The following FOXP4 variants were observed in gnomAD, a reference collection of about 807,000 sequenced individuals.
FOXP4 encodes forkhead box P4.
FOXP4 carries 25 observed loss-of-function variants against 82.6 expected under a neutral mutation model. The ratio of observed to expected loss-of-function variants is 0.30; its 90% CI spans 0.22 to 0.42. The LOEUF (loss-of-function observed/expected upper bound fraction) is 0.42. Ranked by LOEUF, FOXP4 falls within the 10% of genes least tolerant of loss-of-function variation. FOXP4 has a pLI of 1.00. For synonymous variants in FOXP4, 415 were observed against 388.2 expected, an observed-to-expected ratio of 1.07 and a Z score of -0.81; for missense variants, 785 against 900.9, an observed-to-expected ratio of 0.87 and a Z score of 1.65.
intron 4 of FOXP4, 106 bp from the exon 5 acceptor site, chr6:41,585,325 T>G: frequency 5.1e-6 from 6 of 1,167,402 alleles, no homozygotes; most frequent in Non-Finnish European, 7.3e-6. Flanking sequence ...CAGACCATGT[T>G]TTAGGGAAAC....
chr6:41,597,405 G>C (rs1013804301), intron 15 of FOXP4, among the ~76,000 whole-genome samples, 163 bp downstream of exon 15: 3 of 152,074 alleles, frequency 2.0e-5, no homozygotes, highest in African/African-American at 7.2e-5. Context: ...CCCAACTCGG[G>C]GCCAGCCTCC....
chr6:41,565,125 G>C (rs1342304064), intron 1 of FOXP4, among the ~76,000 whole-genome samples: 1 of 152,130 alleles, frequency 6.6e-6, no homozygotes, highest in Non-Finnish European at 1.5e-5. Context: ...GGCTGAGGCA[G>C]GCAGATCACC....
intron 3 of FOXP4, among the ~76,000 whole-genome samples, chr6:41,583,100 A>G (rs1295644090): frequency 1.3e-5 from 2 of 152,362 alleles, no homozygotes; most frequent in African/African-American, 2.4e-5. Context: ...TGGAGCCTTC[A>G]TTCACATGGT....
intron 2 of FOXP4, chr6:41,570,395 G>A (rs1240735593): frequency 2.1e-6 from 1 of 471,330 alleles, no homozygotes; most frequent in Admixed American, 2.3e-5. Context: ...GCCTGACACA[G>A]TGAGAGAAGG....
In FOXP4 at chr6:41,591,244, G is replaced by T. The variant is rs1396375315; in HGVS notation, c.1458G>T (p.Arg486Ser). 3.1e-6 allele frequency: 5 copies of T among 1,609,962 alleles called. No individual in the cohort carries two copies. The highest frequency in any genetic ancestry group is 1.7e-6 in the Non-Finnish European group (2 of 1,178,250). Residue 486 changes from arginine (R) to serine (S), a missense_variant, in exon 13 of 17, where the codon AGG becomes AGT. Around this residue, in one of 3 missense-constraint regions of FOXP4, gnomAD observed 570 missense variants for 634.0 expected, o/e 0.90. Transcript: ENST00000307972. This position sits in a 1 kb window ranked among gnomAD's most constrained non-coding sequence, Gnocchi z 4.2. Reference protein sequence around the residue: ...IRQAILETPDRQLTLNEIYNW... With the variant: ...IRQAILETPDSQLTLNEIYNW... ...AGGCCATCCTGGAAACCCCTGACAG[G>T]CAGCTGACCCTGAATGAGATCTATA...
rs183152351 is a variant in FOXP4 at position 41,583,072 on chromosome 6, A to C, written c.301-1697A>C. Among the ~76,000 whole-genome samples the C allele has an allele frequency of 6.7e-4, 102 of 152,340 alleles. 1 individual carries two copies. Among genetic ancestry groups the C allele is most frequent in the Middle Eastern group, 3.4e-3 (1 of 294 alleles). On this transcript the variant is annotated intron_variant, in intron 3 of 16. Transcript: ENST00000307972. ...AAACACTCCTAAGGGCATATCCCCC[A>C]CTGGCTTAGAGGTCTCTTGGAGCCT...
At position 41,602,077 on chromosome 6, in the gene FOXP4, C is replaced by T. The variant is rs1767233831; in HGVS notation, c.*3141C>T. On this transcript the variant is annotated 3_prime_UTR_variant, in exon 17 of 17. Transcript: ENST00000307972. ...TTCTGTCTGTCGCTCACTCGCCCCG[C>T]TTTCTCTGTCTCACCTTCATCCACT... 6.6e-6 allele frequency: 1 copy of T among 152,588 alleles called. No individual in the cohort carries two copies. Among genetic ancestry groups the T allele is most frequent in the Non-Finnish European group, 1.5e-5 (1 of 68,218 alleles). The allele number at this position is 152,588 out of a possible 1,614,324, so 9.5% of individuals were successfully genotyped here.
At chr6:41,567,792 A>G (rs1764968575) in intron 2 of FOXP4, among the ~76,000 whole-genome samples, 1 of 152,184 alleles carries the variant, frequency 6.6e-6, no homozygotes, top group Admixed American at 6.5e-5. Flanking sequence ...TCCCATCTAT[A>G]TTCCACATTC....
intron 2 of FOXP4, among the ~76,000 whole-genome samples, chr6:41,568,849 T>G (rs4714485): frequency 0.35 from 53,200 of 152,064 alleles, 9,906 homozygotes; most frequent in African/African-American, 0.48. Flanking sequence ...TCAGGCCTGT[T>G]ACAGGACTTT....
intron 2 of FOXP4, among the ~76,000 whole-genome samples, chr6:41,566,230 A>G (rs1490894536): frequency 1.3e-5 from 2 of 152,206 alleles, no homozygotes; most frequent in African/African-American, 2.4e-5. Context: ...AGAAATGCCA[A>G]TAAGAAGAGA....
At position 41,593,753 on chromosome 6, in the gene FOXP4, T is replaced by C. The variant is rs1216500315; in HGVS notation, c.1537-1117T>C. Among the ~76,000 whole-genome samples, 1 of 152,242 alleles carries C rather than the reference T, an allele frequency of 6.6e-6. No individual in the cohort carries two copies. On this transcript the variant is annotated intron_variant, in intron 13 of 16. Coordinates refer to ENST00000307972, the MANE Select transcript of FOXP4 (RefSeq NM_001012426.2). The surrounding 1 kb of genome is among the most constrained non-coding windows in gnomAD (Gnocchi z 4.1). ...GCGAGTCGGAAAAATACACAGGATT[T>C]AATTAGAGGCAAATTAAAATTGGTA... is the stretch of plus-strand genomic sequence containing the variant.
Position 41,598,836 on chromosome 6 carries a change from G to A in FOXP4, c.1943G>A (p.Arg648Lys). The A allele has an allele frequency of 6.3e-7, 1 of 1,578,596 alleles. No homozygotes were observed. Among genetic ancestry groups the A allele is most frequent in the Non-Finnish European group, 8.6e-7 (1 of 1,163,080 alleles). ...GAGCCAGCAGAGGCAGAGGAAGACA[G>A]GCAGCCCGGGCCTCCCCTGGGCGCC... The part of the protein sequence containing the change: ...KEEPAEAEED[R>K]QPGPPLGAPN... The change falls in exon 17 of 17, where the codon AGG becomes AAG. Residue 648 changes from arginine to lysine, a missense_variant. Physicochemically the swap from Arg to Lys is conservative, Grantham distance 26. Around this residue, in one of 3 missense-constraint regions of FOXP4, gnomAD observed 184 missense variants for 187.3 expected, o/e 0.98. Transcript: ENST00000307972.
Position 41,599,801 on chromosome 6 carries a change from A to G in FOXP4, c.*865A>G, listed in dbSNP as rs1010451948. On this transcript the variant is annotated 3_prime_UTR_variant, in exon 17 of 17. Coordinates refer to ENST00000307972, the MANE Select transcript of FOXP4 (RefSeq NM_001012426.2). ...CAGGCTGGACCCCGGCTCCACACCCACATCCAGCCTGCAGGCCTCTCTGCA... is the reference window on the plus strand; with the variant it reads ...CAGGCTGGACCCCGGCTCCACACCCGCATCCAGCCTGCAGGCCTCTCTGCA... The G allele has an allele frequency of 1.3e-5, 2 of 152,304 alleles. No homozygotes were observed. The highest frequency in any genetic ancestry group is 2.4e-5 in the African/African-American group (1 of 41,314). 9.4% of individuals were successfully genotyped at this position (152,304 alleles called of 1,614,324 possible).
rs1380556802 is a variant in FOXP4 at position 41,589,848 on chromosome 6, C to A, written c.1143C>A (p.Ser381Arg). The stretch of plus-strand genomic sequence containing the variant: ...GGCCCTCGGAGCCCAAGCCCTTCAG[C>A]CAGCCAGTGAGTGCTGCTCCCCTCC... ...HMRPSEPKPF[S>R]QPLNPVPGSS... The change falls in exon 10 of 17, where the codon AGC becomes AGA. Residue 381 changes from serine (S) to arginine (R), a missense_variant. Coordinates refer to ENST00000307972, the MANE Select transcript of FOXP4 (RefSeq NM_001012426.2). The A allele has an allele frequency of 6.2e-6, 10 of 1,610,992 alleles. No individual in the cohort carries two copies. In the African/African-American group the frequency reaches 1.1e-4, roughly 17 times the overall value.
At chr6:41,573,861 G>A (rs1272810648) in intron 2 of FOXP4, among the ~76,000 whole-genome samples, 3 of 152,142 alleles carry the variant, frequency 2.0e-5, no homozygotes, top group Non-Finnish European at 4.4e-5. Flanking sequence ...ATGCATGAAT[G>A]GACAGTACAC....
At chr6:41,551,268 G>A (rs1011635516) in intron 1 of FOXP4, among the ~76,000 whole-genome samples, 16 of 152,214 alleles carry the variant, frequency 1.1e-4, no homozygotes, top group East Asian at 3.8e-4. Context: ...GTGTTGGACC[G>A]TGGAGTCACT....
At chr6:41,551,295 G>A (rs187222127) in intron 1 of FOXP4, among the ~76,000 whole-genome samples, 2 of 152,178 alleles carry the variant, frequency 1.3e-5, no homozygotes, top group African/African-American at 2.4e-5. Flanking sequence ...GTGGTGTGTC[G>A]CCCGGGCTGG....
chr6:41,590,468 T>A, intron 12 of FOXP4, 121 bp downstream of exon 12: 1 of 1,048,154 alleles, frequency 9.5e-7, no homozygotes, highest in Non-Finnish European at 1.4e-6. Flanking sequence ...CCGCTCCCTC[T>A]CACGTGGCGG....
chr6:41,573,424 G>A (rs946660761), intron 2 of FOXP4, among the ~76,000 whole-genome samples: 8 of 152,118 alleles, frequency 5.3e-5, no homozygotes, highest in African/African-American at 1.9e-4. Context: ...GATGCCATCC[G>A]TTATAAGCCA....
Sources: allele counts gnomAD v4.1 joint callset (sites outside exome capture counted in the v4.1 genomes callset), GRCh38; gene constraint gnomAD v4.1.1; regional missense constraint gnomAD v4.1.1; non-coding constraint Gnocchi (gnomAD v3.1); transcripts MANE v1.5; gene names NCBI Gene and HGNC (gene_info 2026-07-23, HGNC 2026-07-21).